The following GRM8 variants were observed in gnomAD, a reference collection of about 807,000 sequenced individuals.
GRM8 encodes the protein metabotropic glutamate receptor 8.
In GRM8, 47 loss-of-function variants were observed where a neutral mutation model predicts 87.2. That is an observed-to-expected ratio of 0.54 (90% CI 0.43 to 0.69). GRM8 has a LOEUF of 0.69. Among genes scored for constraint, GRM8 ranks in the 30% least tolerant of loss-of-function variants. The pLI, the probability that GRM8 is intolerant of heterozygous loss-of-function variation, is 0.00. For synonymous variants in GRM8, 396 were observed against 404.5 expected, an observed-to-expected ratio of 0.98 and a Z score of 0.25; for missense variants, 1,019 against 1,139.2, an observed-to-expected ratio of 0.89 and a Z score of 1.52.
chr7:127,001,335 T>C (rs1377834136), intron 3 of GRM8, among the ~76,000 whole-genome samples: 1 of 151,600 alleles, frequency 6.6e-6, no homozygotes, highest in Non-Finnish European at 1.5e-5. Context: ...TGATAAATTA[T>C]ATCAATTCGT....
At chr7:127,025,922 T>C (rs1019537815) in intron 3 of GRM8, among the ~76,000 whole-genome samples, 2 of 152,144 alleles carry the variant, frequency 1.3e-5, no homozygotes, top group African/African-American at 4.8e-5. Flanking sequence ...TACATAGGTA[T>C]ACATGTACCA....
chr7:127,159,531 A>C (rs553153063), intron 2 of GRM8, among the ~76,000 whole-genome samples: 1 of 152,244 alleles, frequency 6.6e-6, no homozygotes, highest in African/African-American at 2.4e-5. Context: ...GCATGCTGGA[A>C]TAAATACATG....
intron 6 of GRM8, among the ~76,000 whole-genome samples, chr7:126,863,288 A>G (rs1233185365): frequency 2.6e-5 from 4 of 152,104 alleles, no homozygotes; most frequent in Non-Finnish European, 5.9e-5. Context: ...TTGGTGCCAC[A>G]TTTTATTAAA....
chr7:126,585,633 C>T (rs911336623), intron 8 of GRM8, among the ~76,000 whole-genome samples: 2 of 152,102 alleles, frequency 1.3e-5, no homozygotes, highest in Non-Finnish European at 2.9e-5. Flanking sequence ...TTCAACAGCC[C>T]TTCATGCTAA....
intron 3 of GRM8, among the ~76,000 whole-genome samples, chr7:126,906,256 A>T (rs993263230): frequency 1.3e-5 from 2 of 152,196 alleles, no homozygotes; most frequent in Admixed American, 6.5e-5. Context: ...TCAGACCTTC[A>T]GCCTCCAGAA....
intron 8 of GRM8, among the ~76,000 whole-genome samples, chr7:126,607,257 G>A (rs1460504056): frequency 1.3e-5 from 2 of 152,188 alleles, no homozygotes; most frequent in Non-Finnish European, 2.9e-5. Context: ...GTATTGATAT[G>A]TGGCCTTACG....
intron 8 of GRM8, among the ~76,000 whole-genome samples, chr7:126,541,232 T>C (rs1363829706): frequency 1.3e-5 from 2 of 152,124 alleles, no homozygotes; most frequent in Admixed American, 1.3e-4. Context: ...TTCATGGATG[T>C]GCAGACAGCA....
intron 3 of GRM8, among the ~76,000 whole-genome samples, chr7:127,101,763 T>C (rs1345182549): frequency 6.6e-6 from 1 of 152,102 alleles, no homozygotes; most frequent in Non-Finnish European, 1.5e-5. Flanking sequence ...AGATTGGTGC[T>C]GAGGGGTGGG....
intron 7 of GRM8, among the ~76,000 whole-genome samples, chr7:126,729,702 A>G (rs1476096079): frequency 6.6e-6 from 1 of 152,174 alleles, no homozygotes; most frequent in African/African-American, 2.4e-5. Context: ...ACCTTGTGTC[A>G]CCTATGATTT....
intron 2 of GRM8, among the ~76,000 whole-genome samples, chr7:127,161,014 G>A (rs1793078817): frequency 6.6e-6 from 1 of 152,128 alleles, no homozygotes; most frequent in African/African-American, 2.4e-5. Context: ...GGTTATTTCT[G>A]GATGATGGGA....
intron 9 of GRM8, among the ~76,000 whole-genome samples, chr7:126,484,861 A>C (rs982366888): frequency 1.2e-4 from 18 of 149,246 alleles, no homozygotes; most frequent in Non-Finnish European, 2.1e-4. Context: ...GCTAGCATGG[A>C]TCTATCGTTA....
intron 7 of GRM8, among the ~76,000 whole-genome samples, chr7:126,768,225 TTTGA>T (rs1818416286): frequency 6.6e-6 from 1 of 151,930 alleles, no homozygotes; most frequent in Non-Finnish European, 1.5e-5. Flanking sequence ...TGTGTGCTTA[TTTGA>T]TTAATACCTA....
At chr7:126,478,014 T>A (rs1392022988) in intron 9 of GRM8, among the ~76,000 whole-genome samples, 2 of 152,108 alleles carry the variant, frequency 1.3e-5, no homozygotes, top group Non-Finnish European at 2.9e-5. Flanking sequence ...CACATGGCCT[T>A]CTCTTCTACT....
intron 2 of GRM8, among the ~76,000 whole-genome samples, chr7:127,197,622 A>G (rs544836997): frequency 1.3e-5 from 2 of 152,190 alleles, no homozygotes; most frequent in East Asian, 3.9e-4. Flanking sequence ...GGAACAGCAA[A>G]GGGAAAACAT....
rs567338684 is a variant in GRM8, at chr7:126,648,371, A to C, written c.1358-38873T>G. Among the ~76,000 whole-genome samples the C allele has an allele frequency of 1.1e-4, 16 of 152,324 alleles. No individual in the cohort carries two copies. In the South Asian group the frequency reaches 2.9e-3, roughly 28 times the overall value. On this transcript the variant is annotated intron_variant, in intron 7 of 10. Coordinates refer to ENST00000339582, the MANE Select transcript of GRM8 (RefSeq NM_000845.3). ...TTTTCTGATTTTCATAAGAAATGACAATTGTTCTATTTTATCTATCTCTAG... is the reference window on the plus strand; with the variant it reads ...TTTTCTGATTTTCATAAGAAATGACCATTGTTCTATTTTATCTATCTCTAG...
intron 8 of GRM8, among the ~76,000 whole-genome samples, chr7:126,597,039 A>T (rs1032026107): frequency 3.0e-4 from 46 of 152,152 alleles, no homozygotes; most frequent in African/African-American, 1.1e-3. Flanking sequence ...ATATACAACA[A>T]AGCGAAATAA....
At chr7:126,889,619 T>G (rs926028820) in intron 6 of GRM8, among the ~76,000 whole-genome samples, 9 of 152,164 alleles carry the variant, frequency 5.9e-5, no homozygotes, top group Admixed American at 5.9e-4. Flanking sequence ...CTGCAACTTA[T>G]GTAGAAATAT....
At chr7:126,990,305 G>T (rs1270166818) in intron 3 of GRM8, among the ~76,000 whole-genome samples, 1 of 151,230 alleles carries the variant, frequency 6.6e-6, no homozygotes, top group East Asian at 1.9e-4. Flanking sequence ...CCACCAGAGG[G>T]TTCCCTGAAA....
intron 8 of GRM8, among the ~76,000 whole-genome samples, chr7:126,589,678 A>G (rs543718749): frequency 6.6e-6 from 1 of 152,190 alleles, no homozygotes; most frequent in Non-Finnish European, 1.5e-5. Context: ...GCACAAAACT[A>G]GTGCAATAAA....
Sources: allele counts gnomAD v4.1 joint callset (sites outside exome capture counted in the v4.1 genomes callset), GRCh38; gene constraint gnomAD v4.1.1; transcripts MANE v1.5; gene names NCBI Gene and HGNC (gene_info 2026-07-23, HGNC 2026-07-21).